The following ALLC variants were observed in gnomAD, a reference collection of about 807,000 sequenced individuals.
ALLC encodes probable inactive allantoicase.
Under a neutral mutation model 45.0 loss-of-function variants are expected in ALLC, and 40 were observed. The observed-to-expected ratio is 0.89, with a 90% CI of 0.69 to 1.16. The LOEUF is 1.16. Ranked by LOEUF, ALLC falls within the 50% of genes most tolerant of loss-of-function variation. The pLI, the probability that ALLC is intolerant of heterozygous loss-of-function variation, is 0.00. For synonymous variants in ALLC, 176 were observed against 178.1 expected (o/e 0.99, Z 0.09); for missense variants, 488 against 493.1 (o/e 0.99, Z 0.10).
In ALLC at chr2:3,679,808, C is replaced by T. The variant is rs982587056; in HGVS notation, c.173-61C>T. On this transcript the variant is annotated intron_variant, in intron 4 of 11. Transcript: ENST00000252505. ...CAGGTGCATGTGGGGTGCACTGCCTCGCATGCAGCATCTGCTGTGTTGGCC... is the reference window on the plus strand; with the variant it reads ...CAGGTGCATGTGGGGTGCACTGCCTTGCATGCAGCATCTGCTGTGTTGGCC... 6.4e-5 allele frequency: 103 copies of T among 1,603,654 alleles called. 1 individual carries two copies. The South Asian group carries it at 9.6e-4, about 15-fold the overall frequency.
chr2:3,702,628 T>A lies in ALLC; in HGVS notation c.*65T>A, dbSNP rs1667895372. On this transcript the variant is annotated 3_prime_UTR_variant, in exon 12 of 12. Transcript: ENST00000252505. ...TCCCAGTCATAGTCTTCTTTTCAAA[T>A]GTTTTGAACACCTGGTGATTTAATA... 1.4e-6 allele frequency: 2 copies of A among 1,431,146 alleles called. No homozygotes were observed. The highest frequency in any genetic ancestry group is 1.4e-5 in the African/African-American group (1 of 69,666). 88.7% of individuals were successfully genotyped at this position (1,431,146 alleles called of 1,614,324 possible).
At chr2:3,659,619 T>A (rs1243310318) in intron 1 of ALLC, among the ~76,000 whole-genome samples, 1 of 152,210 alleles carries the variant, frequency 6.6e-6, no homozygotes, top group Non-Finnish European at 1.5e-5. Context: ...GTCGCGTGGC[T>A]CCTTCCTTTC....
At chr2:3,669,977 A>C (rs4849976) in intron 1 of ALLC, among the ~76,000 whole-genome samples, 60,121 of 151,938 alleles carry the variant, frequency 0.4, 12,333 homozygotes, top group African/African-American at 0.51. Context: ...TCTTAGGAGC[A>C]ATGACTCTGG....
intron 6 of ALLC, among the ~76,000 whole-genome samples, chr2:3,682,594 C>A (rs1016201290): frequency 6.6e-6 from 1 of 152,176 alleles, no homozygotes; most frequent in East Asian, 1.9e-4. Context: ...GGCGCGATCT[C>A]GGCTCACTGC....
chr2:3,689,537 T>C (rs1667417883), intron 7 of ALLC, among the ~76,000 whole-genome samples: 1 of 151,256 alleles, frequency 6.6e-6, no homozygotes, highest in African/African-American at 2.4e-5. Context: ...TATTATTGAT[T>C]TCTAGTTTTA....
chr2:3,684,750 A>G (rs982274380), intron 7 of ALLC, among the ~76,000 whole-genome samples: 6 of 152,102 alleles, frequency 3.9e-5, no homozygotes, highest in African/African-American at 9.7e-5. Context: ...TTATGGCTGC[A>G]TAGTATTCCA....
At chr2:3,663,250 G>A (rs115595974) in intron 1 of ALLC, among the ~76,000 whole-genome samples, 3,947 of 152,018 alleles carry the variant, frequency 0.026, 138 homozygotes, top group African/African-American at 0.08. Flanking sequence ...AGCCATAAAA[G>A]ATGAGATCAT....
the ALLC span, among the ~76,000 whole-genome samples, chr2:3,647,334 A>T: frequency 2.2e-4 from 33 of 151,846 alleles, no homozygotes; most frequent in Middle Eastern, 3.4e-3. Context: ...TACACACACG[A>T]TTAAAACGTA....
At position 3,665,300 on chromosome 2, in the gene ALLC, T is replaced by TG. The variant is rs550153105; in HGVS notation, c.-62-5795dup. Reference sequence around the variant, plus strand: ...TTTTTTTGTTTTTGAAGTACTGAGTTGAAGTGTTTTTTTTTAAATTTTATT... The same window carrying TG: ...TTTTTTTGTTTTTGAAGTACTGAGTTGGAAGTGTTTTTTTTTAAATTTTATT... On this transcript the variant is annotated intron_variant, in intron 1 of 11. Coordinates refer to ENST00000252505, the MANE Select transcript of ALLC (RefSeq NM_018436.4). Among the ~76,000 whole-genome samples the TG allele has an allele frequency of 4.4e-3, 670 of 152,166 alleles. 4 individuals are homozygous for TG. Among genetic ancestry groups the TG allele is most frequent in the African/African-American group, 0.016 (644 of 41,504 alleles).
At chr2:3,666,208 T>G (rs1666720979) in intron 1 of ALLC, among the ~76,000 whole-genome samples, 1 of 152,146 alleles carries the variant, frequency 6.6e-6, no homozygotes, top group African/African-American at 2.4e-5. Flanking sequence ...GGAGGGAACA[T>G]TACATTAATT....
intron 3 of ALLC, among the ~76,000 whole-genome samples, chr2:3,676,818 C>T (rs577183403): frequency 6.6e-6 from 1 of 151,818 alleles, no homozygotes; most frequent in Non-Finnish European, 1.5e-5. Context: ...GACAGAGTCT[C>T]ACTCTGTTGC....
At chr2:3,672,721 C>T (rs188788015) in intron 2 of ALLC, among the ~76,000 whole-genome samples, 4 of 139,592 alleles carry the variant, frequency 2.9e-5, no homozygotes, top group African/African-American at 5.5e-5. Context: ...CTGGTTAGAT[C>T]GGAAGTCCTC....
chr2:3,682,683 G>A (rs768960645), intron 6 of ALLC, among the ~76,000 whole-genome samples: 1 of 152,018 alleles, frequency 6.6e-6, no homozygotes, highest in Admixed American at 6.6e-5. Context: ...CCGCCACCAC[G>A]CCCGGCTAAT....
intron 7 of ALLC, among the ~76,000 whole-genome samples, chr2:3,690,802 AT>A (rs555459141): frequency 1.3e-5 from 2 of 152,232 alleles, no homozygotes; most frequent in South Asian, 4.1e-4. Context: ...AAAGATTATT[AT>A]TTTTGATAGA....
At chr2:3,666,786 G>A (rs1182474266) in intron 1 of ALLC, among the ~76,000 whole-genome samples, 1 of 152,160 alleles carries the variant, frequency 6.6e-6, no homozygotes, top group Non-Finnish European at 1.5e-5. Flanking sequence ...TGCATGGTGG[G>A]GGCGACGGTG....
At chr2:3,655,458 T>A (rs1397154655), upstream of ALLC, among the ~76,000 whole-genome samples, 1 of 150,410 alleles carries the variant, frequency 6.6e-6, no homozygotes, top group Non-Finnish European at 1.5e-5. Flanking sequence ...ATGACTAGTT[T>A]GTTTGTTTGT....
upstream of ALLC, among the ~76,000 whole-genome samples, chr2:3,655,179 AAAGGCAGGGGCAGGGGTC>A (rs1413631058): frequency 6.6e-6 from 1 of 152,230 alleles, no homozygotes; most frequent in Non-Finnish European, 1.5e-5. Flanking sequence ...ATAAAGGAGA[AAAGGCAGGGGCAGGGGTC>A]AAGACGTAAG....
chr2:3,695,002 G>A (rs1385149705), intron 7 of ALLC: 3 of 152,174 alleles, frequency 2.0e-5, no homozygotes, highest in Admixed American at 6.5e-5. Context: ...TTGATTTTGT[G>A]AATATTATCT....
Position 3,695,761 on chromosome 2 carries a change from G to T in ALLC, c.556G>T (p.Asp186Tyr), listed in dbSNP as rs1338395218. The change falls in exon 8 of 12, where the codon GAC becomes TAC. Residue 186 changes from aspartate to tyrosine, a missense_variant. Transcript: ENST00000252505. ...RLRVFGTGQK[D>Y]WTATDPKEPA... ...TAGAGTATTCGGTACTGGACAAAAAGACTGGACTGCAACTGACCCCAAAGA... is the reference window on the plus strand; with the variant it reads ...TAGAGTATTCGGTACTGGACAAAAATACTGGACTGCAACTGACCCCAAAGA... The T allele has an allele frequency of 6.2e-7, 1 of 1,613,934 alleles. No individual in the cohort carries two copies. The highest frequency in any genetic ancestry group is 1.1e-5 in the South Asian group (1 of 91,082).
Sources: allele counts gnomAD v4.1 joint callset (sites outside exome capture counted in the v4.1 genomes callset), GRCh38; gene constraint gnomAD v4.1.1; transcripts MANE v1.5; gene names NCBI Gene and HGNC (gene_info 2026-07-23, HGNC 2026-07-21).